PPP1R12A: variants seen among roughly 807,000 people sequenced by gnomAD.
PPP1R12A encodes the protein myosin binding subunit.
A neutral mutation model predicts 139.6 loss-of-function variants in PPP1R12A; 19 were observed. That is an observed-to-expected ratio of 0.14 (90% CI 0.09 to 0.20). The LOEUF is 0.20. Among genes scored for constraint, PPP1R12A ranks in the 10% least tolerant of loss-of-function variants. The pLI is 1.00. For missense variants in PPP1R12A, 925 were observed against 1,211.5 expected, an observed-to-expected ratio of 0.76 and a Z score of 3.51; for synonymous variants, 427 against 420.6, an observed-to-expected ratio of 1.02 and a Z score of -0.19.
intron 3 of PPP1R12A, among the ~76,000 whole-genome samples, chr12:79,834,428 C>A (rs1227618972): frequency 6.6e-6 from 1 of 152,116 alleles, no homozygotes; most frequent in African/African-American, 2.4e-5. Context: ...TACTGAGATA[C>A]CCACTTGGAG....
chr12:79,934,009 G>A (rs1888459829), intron 1 of PPP1R12A, among the ~76,000 whole-genome samples: 1 of 59,468 alleles, frequency 1.7e-5, no homozygotes, highest in East Asian at 2.3e-4. Flanking sequence ...AACACGTTCC[G>A]GTCCGGAGGT....
intron 9 of PPP1R12A, among the ~76,000 whole-genome samples, chr12:79,813,774 G>A (rs1469579496): frequency 1.3e-5 from 2 of 152,140 alleles, no homozygotes; most frequent in Admixed American, 6.5e-5. Context: ...AAGGGTTAAG[G>A]AATTAAAGTA....
At chr12:79,910,548 T>TTA (rs1886486059) in intron 1 of PPP1R12A, among the ~76,000 whole-genome samples, 2 of 149,986 alleles carry the variant, frequency 1.3e-5, no homozygotes, top group Admixed American at 6.6e-5. Flanking sequence ...ACTTTATTCT[T>TTA]AAAAAAAAAA....
At chr12:79,853,069 G>T (rs1254421850) in intron 2 of PPP1R12A, among the ~76,000 whole-genome samples, 1 of 152,216 alleles carries the variant, frequency 6.6e-6, no homozygotes, top group Non-Finnish European at 1.5e-5. Context: ...TTCCAGTGGA[G>T]GAGGTGTTAG....
At chr12:79,873,657 C>T in intron 1 of PPP1R12A, among the ~76,000 whole-genome samples, 1 of 152,082 alleles carries the variant, frequency 6.6e-6, no homozygotes, top group East Asian at 1.9e-4. Flanking sequence ...GAGTGAGACC[C>T]TGTCTCCAAA....
At chr12:79,865,086 C>G (rs899087626) in intron 2 of PPP1R12A, among the ~76,000 whole-genome samples, 1 of 152,108 alleles carries the variant, frequency 6.6e-6, no homozygotes, top group Non-Finnish European at 1.5e-5. Flanking sequence ...CCTGGCAAAC[C>G]GAATTCAGCA....
chr12:79,849,013 CTT>C (rs1307262466), intron 2 of PPP1R12A: 5 of 151,724 alleles, frequency 3.3e-5, no homozygotes, highest in African/African-American at 1.2e-4. Context: ...ATATATAAAA[CTT>C]AACTAAAATC....
intron 24 of PPP1R12A, chr12:79,777,283 AC>A: frequency 2.1e-6 from 2 of 973,212 alleles, no homozygotes; most frequent in Non-Finnish European, 2.4e-6. Context: ...TTACAAAAGT[AC>A]AGATAAGTCT....
chr12:79,890,905 C>CCCCCCA (rs1555235834), intron 1 of PPP1R12A, among the ~76,000 whole-genome samples: 2 of 115,718 alleles, frequency 1.7e-5, no homozygotes, highest in Non-Finnish European at 3.4e-5. Context: ...CCACACCCAC[C>CCCCCCA]CACACACACA....
intron 3 of PPP1R12A, among the ~76,000 whole-genome samples, chr12:79,837,002 C>G (rs540002571): frequency 5.3e-4 from 81 of 152,164 alleles, no homozygotes; most frequent in Admixed American, 1.2e-3. Context: ...TTAATTAATA[C>G]ATATAAAGTG....
At chr12:79,907,374 G>A (rs1886216254) in intron 1 of PPP1R12A, among the ~76,000 whole-genome samples, 3 of 151,726 alleles carry the variant, frequency 2.0e-5, no homozygotes, top group Non-Finnish European at 2.9e-5. Context: ...AAATTGGGGG[G>A]GAAAAACTTC....
intron 1 of PPP1R12A, among the ~76,000 whole-genome samples, chr12:79,927,445 T>C (rs890298340): frequency 1.3e-5 from 2 of 152,152 alleles, no homozygotes; most frequent in African/African-American, 4.8e-5. Context: ...TCAATTACCA[T>C]AGAAAGGTCT....
At position 79,790,493 on chromosome 12, in the gene PPP1R12A, AAG is replaced by A; in HGVS notation, c.2650-12_2650-11del. 1 of 1,386,704 alleles carries A rather than the reference AAG, an allele frequency of 7.2e-7. No homozygotes were observed. Among genetic ancestry groups the A allele is most frequent in the Admixed American group, 2.6e-5 (1 of 39,106 alleles). The allele number at this position is 1,386,704 out of a possible 1,614,324, so 85.9% of individuals were successfully genotyped here. ...TAGAAATGGAATCCGTCTGGAAAGA[AAG>A]AGAAAAACATAGGCATACTAAATTT... On this transcript the variant is annotated splice_polypyrimidine_tract_variant and intron_variant, in intron 19 of 24. Coordinates refer to ENST00000450142, the MANE Select transcript of PPP1R12A (RefSeq NM_002480.3).
At chr12:79,910,860 A>G (rs1351204333) in intron 1 of PPP1R12A, among the ~76,000 whole-genome samples, 3 of 152,246 alleles carry the variant, frequency 2.0e-5, no homozygotes, top group Non-Finnish European at 4.4e-5. Flanking sequence ...GTGGAAAGTA[A>G]AAAGCCCTAA....
intron 17 of PPP1R12A, 47 bp downstream of exon 17, chr12:79,796,735 G>C: frequency 6.9e-7 from 1 of 1,455,408 alleles, no homozygotes; most frequent in Non-Finnish European, 9.4e-7. Context: ...CTAATCCAAA[G>C]GATTATATGA....
chr12:79,896,013 T>C (rs200714627), intron 1 of PPP1R12A, among the ~76,000 whole-genome samples: 1 of 133,080 alleles, frequency 7.5e-6, no homozygotes, highest in Non-Finnish European at 1.7e-5. Flanking sequence ...TTTTTTTTTT[T>C]AAAAGAGGAG....
In PPP1R12A at chr12:79,788,719, A is replaced by G; in HGVS notation, c.2731T>C (p.Tyr911His). Residue 911 changes from tyrosine (Y) to histidine (H), a missense_variant, in exon 21 of 25, where the codon TAC (tyrosine) becomes CAC (histidine). Physicochemically the swap from Tyr to His is moderately conservative, Grantham distance 83. Around this residue, in one of 4 missense-constraint regions of PPP1R12A, gnomAD observed 315 missense variants for 363.4 expected, o/e 0.87. Transcript: ENST00000450142. ...GGTTTTCTTTCTTCTAAGTAACTGT[A>G]TGATCCAGAGCGACCCAGCAAGGAA... is the stretch of plus-strand genomic sequence containing the variant. Reference protein sequence around the residue: ...YDSLLGRSGSYSYLEERKPYS... With the variant: ...YDSLLGRSGSHSYLEERKPYS... 6.2e-7 allele frequency: 1 copy of G among 1,613,428 alleles called. No homozygotes were observed. The highest frequency in any genetic ancestry group is 8.5e-7 in the Non-Finnish European group (1 of 1,179,592).
intron 2 of PPP1R12A, among the ~76,000 whole-genome samples, chr12:79,851,029 T>C (rs1879984113): frequency 6.6e-6 from 1 of 152,204 alleles, no homozygotes. Context: ...ATTGGACTAA[T>C]ACATTATTGT....
chr12:79,799,570 AG>A (rs1158109923), intron 14 of PPP1R12A, among the ~76,000 whole-genome samples: 1 of 152,192 alleles, frequency 6.6e-6, no homozygotes, highest in Non-Finnish European at 1.5e-5. Flanking sequence ...CTTTTAAATC[AG>A]CATGTTACTT....
Sources: gnomAD v4.1 joint callset for allele counts (sites outside exome capture counted in the v4.1 genomes callset) on GRCh38, gnomAD v4.1.1 for gene constraint, gnomAD v4.1.1 regional missense constraint, MANE v1.5 for transcripts, NCBI Gene and HGNC (gene_info 2026-07-23, HGNC 2026-07-21) for gene names.